VWC2L: variants seen among roughly 807,000 people sequenced by gnomAD.
The protein encoded by VWC2L is von Willebrand factor C domain-containing protein 2-like.
Under a neutral mutation model 21.6 loss-of-function variants are expected in VWC2L, and 10 were observed. The ratio of observed to expected loss-of-function variants is 0.46; its 90% CI spans 0.29 to 0.78. The LOEUF (loss-of-function observed/expected upper bound fraction) is 0.78. Among genes scored for constraint, VWC2L ranks in the 30% least tolerant of loss-of-function variants. The probability of loss-of-function intolerance (pLI) is 0.10; values close to 1 mark genes in which losing one functional copy is unlikely to be tolerated. For synonymous variants in VWC2L, 96 were observed against 94.3 expected (o/e 1.02, Z -0.10); for missense variants, 209 against 277.1 (o/e 0.75, Z 1.74).
intron 3 of VWC2L, among the ~76,000 whole-genome samples, chr2:214,547,478 T>G (rs1406456190): frequency 1.3e-5 from 2 of 152,232 alleles, no homozygotes; most frequent in Non-Finnish European, 2.9e-5. Flanking sequence ...TTCTACCATG[T>G]GGTCTGTTAT....
chr2:214,504,857 G>C (rs536879237), intron 3 of VWC2L, among the ~76,000 whole-genome samples: 3 of 152,306 alleles, frequency 2.0e-5, no homozygotes, highest in African/African-American at 7.2e-5. Context: ...CTCACCCAAT[G>C]TTCCAGGATG....
At chr2:214,534,447 A>G (rs187094898) in intron 3 of VWC2L, among the ~76,000 whole-genome samples, 200 of 152,208 alleles carry the variant, frequency 1.3e-3, no homozygotes, top group Non-Finnish European at 2.4e-3. Flanking sequence ...GATTGTTTGC[A>G]AGCACCTTCC....
chr2:214,548,244 A>G (rs1055139591), intron 3 of VWC2L, among the ~76,000 whole-genome samples: 3 of 152,126 alleles, frequency 2.0e-5, no homozygotes, highest in African/African-American at 4.8e-5. Flanking sequence ...CTCCTGTATT[A>G]TGGGTGTTCC....
intron 2 of VWC2L, chr2:214,415,326 T>C (rs1402354881): frequency 2.0e-5 from 3 of 152,232 alleles, no homozygotes; most frequent in Non-Finnish European, 4.4e-5. Flanking sequence ...CTAGTTTTAA[T>C]TGGGATATCC....
At chr2:214,566,271 A>G (rs1243270383) in intron 3 of VWC2L, among the ~76,000 whole-genome samples, 1 of 152,214 alleles carries the variant, frequency 6.6e-6, no homozygotes. Flanking sequence ...TAGGACCCGA[A>G]CTATGCCAGG....
intron 3 of VWC2L, among the ~76,000 whole-genome samples, chr2:214,476,318 T>C (rs1422166907): frequency 6.6e-6 from 1 of 152,218 alleles, no homozygotes; most frequent in Non-Finnish European, 1.5e-5. Flanking sequence ...TGATAGTTTA[T>C]ATAGTTTTTA....
At chr2:214,535,249 A>G (rs1689507636) in intron 3 of VWC2L, among the ~76,000 whole-genome samples, 1 of 152,114 alleles carries the variant, frequency 6.6e-6, no homozygotes, top group Non-Finnish European at 1.5e-5. Context: ...TTCTCAAAGC[A>G]TCTTTTGCAA....
intron 2 of VWC2L, among the ~76,000 whole-genome samples, chr2:214,417,733 T>C (rs1423381035): frequency 6.6e-6 from 1 of 152,098 alleles, no homozygotes; most frequent in Non-Finnish European, 1.5e-5. Flanking sequence ...AATATTTAGA[T>C]TCATCTGAAG....
chr2:214,563,546 C>CAA lies in VWC2L; in HGVS notation c.521-12092_521-12091dup, dbSNP rs55864016. Among the ~76,000 whole-genome samples the CAA allele has an allele frequency of 1.4e-3, 135 of 95,838 alleles. 13 individuals are homozygous for CAA. The highest frequency in any genetic ancestry group is 5.0e-3 in the African/African-American group (119 of 23,764). The allele number at this position is 95,838 out of a possible 152,430, so 62.9% of individuals were successfully genotyped here. A position where few individuals can be genotyped will look rare whatever the true frequency, so the allele number is the denominator to read the frequency against. On this transcript the variant is annotated intron_variant, in intron 3 of 3. Transcript: ENST00000312504. ...TGGGTGACACAGCAAGACTCCGTCT[C>CAA]AAAAAAAAAAAAAAAAAAAAAAAAA...
intron 3 of VWC2L, among the ~76,000 whole-genome samples, chr2:214,491,017 G>C (rs927295233): frequency 2.6e-5 from 4 of 152,182 alleles, no homozygotes; most frequent in African/African-American, 9.6e-5. Context: ...CAGGATTCCA[G>C]TTGCCAGGGG....
At chr2:214,557,788 C>T (rs1689896754) in intron 3 of VWC2L, among the ~76,000 whole-genome samples, 1 of 152,150 alleles carries the variant, frequency 6.6e-6, no homozygotes, top group Admixed American at 6.5e-5. Context: ...CATCTAACAA[C>T]ACAGAATTTC....
intron 3 of VWC2L, among the ~76,000 whole-genome samples, chr2:214,543,067 T>C: frequency 6.6e-6 from 1 of 152,220 alleles, no homozygotes; most frequent in East Asian, 1.9e-4. Flanking sequence ...AGTTTACATA[T>C]TTTCTCTGGC....
chr2:214,496,355 T>C (rs1218060969), intron 3 of VWC2L, among the ~76,000 whole-genome samples: 1 of 150,790 alleles, frequency 6.6e-6, no homozygotes, highest in Non-Finnish European at 1.5e-5. Flanking sequence ...ATATGAAACA[T>C]CTTCCTCTCC....
At chr2:214,417,241 C>G (rs1314752358) in intron 2 of VWC2L, among the ~76,000 whole-genome samples, 4 of 151,970 alleles carry the variant, frequency 2.6e-5, no homozygotes, top group Non-Finnish European at 5.9e-5. Flanking sequence ...TTTATCAGAC[C>G]GTTCAGTAGA....
chr2:214,440,299 T>C (rs1702745966), intron 3 of VWC2L, among the ~76,000 whole-genome samples: 1 of 152,050 alleles, frequency 6.6e-6, no homozygotes, highest in South Asian at 2.1e-4. Flanking sequence ...TAGGAATTTA[T>C]TGTTTCTAAA....
intron 3 of VWC2L, among the ~76,000 whole-genome samples, chr2:214,548,126 A>G (rs1052897475): frequency 5.3e-5 from 8 of 152,214 alleles, no homozygotes; most frequent in Non-Finnish European, 1.0e-4. Context: ...TCCAAAAATC[A>G]TATGACTCAT....
At chr2:214,430,889 T>C (rs1319933406) in intron 2 of VWC2L, among the ~76,000 whole-genome samples, 1 of 152,182 alleles carries the variant, frequency 6.6e-6, no homozygotes, top group Non-Finnish European at 1.5e-5. Flanking sequence ...TTAAAGAAGT[T>C]TCAGCTTGAT....
rs149672180 is a variant in VWC2L, at chr2:214,415,663, G to A, written c.390+1080G>A. Among the ~76,000 whole-genome samples, 41 of 152,174 alleles carry A rather than the reference G, an allele frequency of 2.7e-4. No homozygotes were observed. The South Asian group carries it at 4.4e-3, about 16-fold the overall frequency. ...ACTGATCATCATTAGCATAATCTGT[G>A]TATTCATAGTTAATTGTATTTAGTT... On this transcript the variant is annotated intron_variant, in intron 2 of 3. Transcript: ENST00000312504.
intron 3 of VWC2L, among the ~76,000 whole-genome samples, chr2:214,455,093 A>G (rs1177152090): frequency 1.3e-5 from 2 of 152,276 alleles, no homozygotes; most frequent in Non-Finnish European, 1.5e-5. Flanking sequence ...TCAGCATAGA[A>G]TGAATTAGGA....
Sources: gnomAD v4.1 joint callset for allele counts (sites outside exome capture counted in the v4.1 genomes callset) on GRCh38, gnomAD v4.1.1 for gene constraint, MANE v1.5 for transcripts, NCBI Gene and HGNC (gene_info 2026-07-23, HGNC 2026-07-21) for gene names.